RAB8B: variants seen among roughly 807,000 people sequenced by gnomAD.
RAB8B encodes ras-related protein Rab-8B.
Under a neutral mutation model 32.0 loss-of-function variants are expected in RAB8B, and 11 were observed. That is an observed-to-expected ratio of 0.34 (90% CI 0.22 to 0.57). RAB8B has a LOEUF of 0.57. Among genes scored for constraint, RAB8B ranks in the 20% least tolerant of loss-of-function variants. RAB8B has a pLI of 0.86. For missense variants in RAB8B, 190 were observed against 258.5 expected (o/e 0.73, Z 1.82); for synonymous variants, 103 against 89.6 (o/e 1.15, Z -0.85).
intron 1 of RAB8B, chr15:63,223,809 G>A: frequency 2.5e-6 from 1 of 397,942 alleles, no homozygotes; most frequent in Admixed American, 3.0e-5. Context: ...TTCCAAAAAA[G>A]GAGTTTTTCT....
At chr15:63,208,121 T>C (rs2037714452) in intron 1 of RAB8B, among the ~76,000 whole-genome samples, 1 of 152,216 alleles carries the variant, frequency 6.6e-6, no homozygotes, top group African/African-American at 2.4e-5. Context: ...TTTTTTACTT[T>C]GTCCACTGGA....
At chr15:63,197,741 T>A (rs2037615371) in intron 1 of RAB8B, among the ~76,000 whole-genome samples, 1 of 152,022 alleles carries the variant, frequency 6.6e-6, no homozygotes, top group Admixed American at 6.6e-5. Context: ...AAAGCTGGGA[T>A]GAAAAATGTC....
At chr15:63,243,138 A>G (rs1038468953) in intron 1 of RAB8B, among the ~76,000 whole-genome samples, 5 of 152,186 alleles carry the variant, frequency 3.3e-5, no homozygotes, top group African/African-American at 1.2e-4. Flanking sequence ...GGGTTTGAGC[A>G]CCTATGAGAA....
chr15:63,254,796 C>T (rs867179632), intron 3 of RAB8B, among the ~76,000 whole-genome samples: 1 of 152,030 alleles, frequency 6.6e-6, no homozygotes, highest in African/African-American at 2.4e-5. Context: ...CCTGTAGTCC[C>T]AGCTACTCGG....
In RAB8B at chr15:63,259,722, G is replaced by A. The variant is rs757087236; in HGVS notation, c.480+30G>A. On this transcript the variant is annotated intron_variant, in intron 6 of 7. Transcript: ENST00000321437. This position sits in a 1 kb window ranked among gnomAD's most constrained non-coding sequence, Gnocchi z 4.4. ...GAAGGAAACGTTTGGTGACTGTTAC[G>A]GAGCAGCACCAGTGCTTAGGGGCCT... 27 of 1,590,786 alleles carry A rather than the reference G, an allele frequency of 1.7e-5. No homozygotes were observed. The highest frequency in any genetic ancestry group is 1.1e-4 in the East Asian group (5 of 44,710).
chr15:63,243,931 C>G (rs1185779048), intron 1 of RAB8B, among the ~76,000 whole-genome samples: 3 of 152,098 alleles, frequency 2.0e-5, no homozygotes, highest in Non-Finnish European at 4.4e-5. Flanking sequence ...TGCACTCATG[C>G]AGAAGAAAAT....
intron 2 of RAB8B, among the ~76,000 whole-genome samples, chr15:63,245,027 A>G (rs2038060370): frequency 6.6e-6 from 1 of 152,266 alleles, no homozygotes; most frequent in East Asian, 1.9e-4. Flanking sequence ...TGTTGAAGCC[A>G]GAAGAGATCT....
chr15:63,216,230 TA>T lies in RAB8B; in HGVS notation c.124+26483del, dbSNP rs1174716000. Among the ~76,000 whole-genome samples the T allele has an allele frequency of 6.3e-3, 840 of 132,364 alleles. 41 individuals carry two copies. Among genetic ancestry groups the T allele is most frequent in the Non-Finnish European group, 8.8e-3 (532 of 60,428 alleles). The allele number at this position is 132,364 out of a possible 152,430, so 86.8% of individuals were successfully genotyped here. On this transcript the variant is annotated intron_variant, in intron 1 of 7. Transcript: ENST00000321437. ...TTAATTAATTAATTAATTAATTAAT[TA>T]TTATTTTTTTTTTTGGAGACAGAGT...
chr15:63,192,956 T>C (rs181856556), intron 1 of RAB8B, among the ~76,000 whole-genome samples: 1 of 152,188 alleles, frequency 6.6e-6, no homozygotes, highest in African/African-American at 2.4e-5. Context: ...CACCAAACGG[T>C]GTATGCCTGT....
intron 1 of RAB8B, among the ~76,000 whole-genome samples, chr15:63,229,928 A>G (rs1232754564): frequency 6.6e-6 from 1 of 152,066 alleles, no homozygotes; most frequent in Non-Finnish European, 1.5e-5. Flanking sequence ...TTGGCCATGA[A>G]GGTTATAGAG....
At chr15:63,223,221 C>T in intron 1 of RAB8B, 2 of 360,314 alleles carry the variant, frequency 5.6e-6, no homozygotes, top group Non-Finnish European at 1.1e-5. Context: ...AAGCGATTCT[C>T]CTGCCTCAGC....
At chr15:63,196,536 G>A (rs745426468) in intron 1 of RAB8B, among the ~76,000 whole-genome samples, 3 of 152,170 alleles carry the variant, frequency 2.0e-5, no homozygotes, top group Non-Finnish European at 4.4e-5. Flanking sequence ...GTTGCTGTGA[G>A]CTCCTTAAGG....
intron 1 of RAB8B, 122 bp from the exon 2 acceptor site, chr15:63,244,634 C>T: frequency 1.4e-6 from 1 of 728,058 alleles, no homozygotes; most frequent in Non-Finnish European, 2.4e-6. Context: ...TTCACACCCT[C>T]TCTGTGTTCA....
intron 1 of RAB8B, chr15:63,222,943 G>T (rs2037856897): frequency 5.4e-6 from 2 of 372,354 alleles, no homozygotes; most frequent in Non-Finnish European, 1.1e-5. Context: ...TATAATTTTG[G>T]TGTAGCTTAG....
chr15:63,244,814 A>G lies in RAB8B; in HGVS notation c.183A>G (p.Ile61Met), dbSNP rs2038058802. The change falls in exon 2 of 8, where the codon ATA becomes ATG. Residue 61 changes from isoleucine to methionine, a missense_variant and splice_region_variant. Around this residue, in one of 2 missense-constraint regions of RAB8B, gnomAD observed 80 missense variants for 142.6 expected, o/e 0.56. Coordinates refer to ENST00000321437, the MANE Select transcript of RAB8B (RefSeq NM_016530.3). ...ELDGKKIKLQIWDTAGQERFR... is the reference protein window; with the variant it reads ...ELDGKKIKLQMWDTAGQERFR... ...ATGGAAAGAAAATTAAGCTTCAGAT[A>G]TGGTAAGTAAACACACACACAGAGT... The G allele has an allele frequency of 6.4e-7, 1 of 1,574,748 alleles. No homozygotes were observed. Among genetic ancestry groups the G allele is most frequent in the Non-Finnish European group, 8.7e-7 (1 of 1,148,690 alleles).
intron 1 of RAB8B, among the ~76,000 whole-genome samples, chr15:63,216,550 C>G (rs984512598): frequency 7.3e-5 from 11 of 149,902 alleles, no homozygotes; most frequent in Admixed American, 2.0e-4. Flanking sequence ...TTTAAATGTT[C>G]AGTACCACTG....
chr15:63,262,717 T>C lies in RAB8B; in HGVS notation c.506T>C (p.Ile169Thr), dbSNP rs775592874. The C allele has an allele frequency of 6.9e-7, 1 of 1,457,728 alleles. No homozygotes were observed. Among genetic ancestry groups the C allele is most frequent in the East Asian group, 2.7e-5 (1 of 37,254 alleles). 90.3% of individuals were successfully genotyped at this position (1,457,728 alleles called of 1,614,324 possible). Residue 169 changes from isoleucine (I) to threonine (T), a missense_variant, in exon 7 of 8, where the codon ATA (isoleucine) becomes ACA (threonine). This residue lies in a region of RAB8B where 110 missense variants were observed against 115.9 expected (regional missense o/e 0.95). Coordinates refer to ENST00000321437, the MANE Select transcript of RAB8B (RefSeq NM_016530.3). ...EEAFFTLARDIMTKLNRKMND... is the reference protein window; with the variant it reads ...EEAFFTLARDTMTKLNRKMND... ...GCATTTTTTACACTTGCACGAGATA[T>C]AATGACAAAACTCAACAGAAAAATG... is the stretch of plus-strand genomic sequence containing the variant.
Position 63,244,776 on chromosome 15 carries a change from A to G in RAB8B, c.145A>G (p.Thr49Ala). The change falls in exon 2 of 8, where the codon ACG becomes GCG. Residue 49 changes from threonine (T) to alanine (A), a missense_variant. Coordinates refer to ENST00000321437, the MANE Select transcript of RAB8B (RefSeq NM_016530.3). ...STIGIDFKIR[T>A]IELDGKKIKL... ...GGCAGGAATTGATTTTAAAATTAGA[A>G]CGATAGAACTAGATGGAAAGAAAAT... 1 of 1,580,932 alleles carries G rather than the reference A, an allele frequency of 6.3e-7. No individual in the cohort carries two copies. Among genetic ancestry groups the G allele is most frequent in the East Asian group, 2.2e-5 (1 of 44,616 alleles).
intron 1 of RAB8B, among the ~76,000 whole-genome samples, chr15:63,227,778 A>G (rs1275489647): frequency 6.6e-6 from 1 of 152,222 alleles, no homozygotes; most frequent in Non-Finnish European, 1.5e-5. Flanking sequence ...ATAACAAAAC[A>G]AATTGTTCAC....
Sources: gnomAD v4.1 joint callset for allele counts (sites outside exome capture counted in the v4.1 genomes callset) on GRCh38, gnomAD v4.1.1 for gene constraint, gnomAD v4.1.1 regional missense constraint, Gnocchi (gnomAD v3.1) non-coding constraint, MANE v1.5 for transcripts, NCBI Gene and HGNC (gene_info 2026-07-23, HGNC 2026-07-21) for gene names.